The following CEP70 variants were observed in gnomAD, a reference collection of about 807,000 sequenced individuals.
CEP70 encodes centrosomal protein of 70 kDa.
In CEP70, 70 loss-of-function variants were observed where a neutral mutation model predicts 90.9. The observed-to-expected ratio is 0.77, with a 90% CI of 0.64 to 0.94. The LOEUF (loss-of-function observed/expected upper bound fraction) is 0.94, where lower values mean the gene tolerates loss of function less well. Among genes scored for constraint, CEP70 ranks in the 40% least tolerant of loss-of-function variants. The probability of loss-of-function intolerance (pLI) is 0.00; values close to 1 mark genes in which losing one functional copy is unlikely to be tolerated. For synonymous variants in CEP70, 220 were observed against 228.3 expected (o/e 0.96, Z 0.33); for missense variants, 648 against 669.0 (o/e 0.97, Z 0.35).
At position 138,525,487 on chromosome 3, in the gene CEP70, T is replaced by G. The variant is rs2037134218; in HGVS notation, c.944+3A>C. Reference sequence around the variant, plus strand: ...GAGGCAATTTTGGTAAAAATATAATTACTTGACGTTTTTCTTAAGGGCTTT... The same window carrying G: ...GAGGCAATTTTGGTAAAAATATAATGACTTGACGTTTTTCTTAAGGGCTTT... On this transcript the variant is annotated splice_donor_region_variant and intron_variant, in intron 11 of 17. Coordinates refer to ENST00000264982, the MANE Select transcript of CEP70 (RefSeq NM_024491.4). 7.5e-7 allele frequency: 1 copy of G among 1,335,834 alleles called. No individual in the cohort carries two copies. 82.7% of individuals were successfully genotyped at this position (1,335,834 alleles called of 1,614,324 possible).
intron 6 of CEP70, among the ~76,000 whole-genome samples, chr3:138,540,886 T>C (rs1457883806): frequency 2.0e-5 from 3 of 152,156 alleles, no homozygotes; most frequent in African/African-American, 7.2e-5. Context: ...ATGTGGTACA[T>C]ATACACCATA....
chr3:138,517,876 G>A (rs748568697), intron 11 of CEP70, among the ~76,000 whole-genome samples: 9 of 152,226 alleles, frequency 5.9e-5, no homozygotes, highest in Non-Finnish European at 1.0e-4. Flanking sequence ...AGCCGAAGCA[G>A]GGCAAGGCAT....
intron 6 of CEP70, among the ~76,000 whole-genome samples, chr3:138,563,116 T>C (rs1278638481): frequency 6.6e-6 from 1 of 151,776 alleles, no homozygotes. Context: ...GGGCATTGCA[T>C]AATGGTAAAG....
chr3:138,523,298 C>T (rs2108802570), intron 11 of CEP70, among the ~76,000 whole-genome samples: 1 of 152,268 alleles, frequency 6.6e-6, no homozygotes, highest in Non-Finnish European at 1.5e-5. Flanking sequence ...GGAAGCATTC[C>T]CTTTGAAACC....
At chr3:138,521,149 G>A (rs1393743740) in intron 11 of CEP70, among the ~76,000 whole-genome samples, 9 of 152,150 alleles carry the variant, frequency 5.9e-5, no homozygotes, top group South Asian at 2.1e-4. Flanking sequence ...GCATGATCTC[G>A]GCTCGCTACA....
At position 138,500,498 on chromosome 3, in the gene CEP70, G is replaced by C; in HGVS notation, c.1438C>G (p.Pro480Ala). The change falls in exon 15 of 18, where the codon CCT becomes GCT. Residue 480 changes from proline (P) to alanine (A), a missense_variant. By Grantham distance (27) the Pro-to-Ala change is conservative. Transcript: ENST00000264982. ...CGGGGATAGACTCCATTTAAAGAAG[G>C]CACATCAAATAACTTTTGGAAGTGA... ...VSHFQKLFDV[P>A]SLNGVYPRMN... 6.2e-7 allele frequency: 1 copy of C among 1,612,664 alleles called. No individual in the cohort carries two copies. Among genetic ancestry groups the C allele is most frequent in the Non-Finnish European group, 8.5e-7 (1 of 1,179,530 alleles).
At position 138,575,309 on chromosome 3, in the gene CEP70, C is replaced by T. The variant is rs149765714; in HGVS notation, c.-5-2377G>A. 1.7e-3 allele frequency among the ~76,000 whole-genome samples: 263 copies of T among 152,272 alleles called. 1 individual carries two copies. Among genetic ancestry groups the T allele is most frequent in the African/African-American group, 6.2e-3 (257 of 41,556 alleles). On this transcript the variant is annotated intron_variant, in intron 2 of 17. Transcript: ENST00000264982. ...GCACGAGAACTATGTGACACATGCACAAGCTTCAGTAGCTGATTTGATCAA... is the reference window on the plus strand; with the variant it reads ...GCACGAGAACTATGTGACACATGCATAAGCTTCAGTAGCTGATTTGATCAA...
chr3:138,586,696 G>C (rs569583628), intron 2 of CEP70, among the ~76,000 whole-genome samples: 1 of 152,146 alleles, frequency 6.6e-6, no homozygotes, highest in Non-Finnish European at 1.5e-5. Flanking sequence ...TAACAGGTGG[G>C]CTGAAAGGAA....
intron 11 of CEP70, among the ~76,000 whole-genome samples, chr3:138,522,698 C>A (rs2036792801): frequency 1.3e-5 from 2 of 152,124 alleles, no homozygotes; most frequent in Admixed American, 6.5e-5. Context: ...TCTGAATAGA[C>A]CAATAATAGG....
chr3:138,501,908 T>A (rs2034543554), intron 13 of CEP70, among the ~76,000 whole-genome samples: 1 of 152,232 alleles, frequency 6.6e-6, no homozygotes, highest in Admixed American at 6.5e-5. Flanking sequence ...GATGCTCAAA[T>A]GGCATATATT....
At chr3:138,508,709 A>G (rs563291603) in intron 11 of CEP70, among the ~76,000 whole-genome samples, 165 bp from the exon 12 acceptor site, 1 of 152,224 alleles carries the variant, frequency 6.6e-6, no homozygotes, top group South Asian at 2.1e-4. Flanking sequence ...AAACACATAC[A>G]TATATGCATA....
intron 11 of CEP70, among the ~76,000 whole-genome samples, chr3:138,519,488 C>G (rs1007454800): frequency 6.6e-6 from 1 of 152,216 alleles, no homozygotes; most frequent in African/African-American, 2.4e-5. Context: ...CATCTCTCAG[C>G]AGAAACTCTA....
chr3:138,576,392 G>C (rs1258203631), intron 2 of CEP70, among the ~76,000 whole-genome samples: 3 of 152,172 alleles, frequency 2.0e-5, no homozygotes, highest in African/African-American at 7.2e-5. Flanking sequence ...AATTCAACAA[G>C]AAGAGCTAAC....
intron 2 of CEP70, among the ~76,000 whole-genome samples, chr3:138,584,474 A>G (rs2108257809): frequency 6.6e-6 from 1 of 151,376 alleles, no homozygotes; most frequent in African/African-American, 2.4e-5. Context: ...AAAAAAAAAA[A>G]AAAAAGAGAG....
intron 11 of CEP70, among the ~76,000 whole-genome samples, chr3:138,516,654 G>A (rs892347721): frequency 3.3e-5 from 5 of 152,138 alleles, no homozygotes; most frequent in African/African-American, 1.2e-4. Context: ...CCAAAGTGCT[G>A]GGATTACAGG....
chr3:138,496,216 T>C (rs766973909), intron 17 of CEP70: 20 of 985,332 alleles, frequency 2.0e-5, no homozygotes, highest in African/African-American at 3.5e-5. Flanking sequence ...ACATAAAGCA[T>C]GCTTTCTTGG....
intron 6 of CEP70, among the ~76,000 whole-genome samples, chr3:138,561,677 C>T (rs570878546): frequency 9.2e-5 from 14 of 152,142 alleles, no homozygotes; most frequent in Non-Finnish European, 1.3e-4. Flanking sequence ...CTAGAATAAC[C>T]GGTTTAGAGA....
At chr3:138,572,809 T>G in intron 3 of CEP70, 50 bp downstream of exon 3, 2 of 1,180,986 alleles carry the variant, frequency 1.7e-6, no homozygotes, top group Non-Finnish European at 2.5e-6. Flanking sequence ...GATGTAGCAT[T>G]CTTTGGCACA....
chr3:138,561,950 G>C (rs983406072), intron 6 of CEP70, among the ~76,000 whole-genome samples: 10 of 151,392 alleles, frequency 6.6e-5, no homozygotes, highest in South Asian at 2.1e-4. Context: ...GTGAACCTGG[G>C]AGATGGAGCT....
Sources: gnomAD v4.1 joint callset for allele counts (sites outside exome capture counted in the v4.1 genomes callset) on GRCh38, gnomAD v4.1.1 for gene constraint, MANE v1.5 for transcripts, NCBI Gene and HGNC (gene_info 2026-07-23, HGNC 2026-07-21) for gene names.